The following THNSL1 variants were observed in gnomAD, a reference collection of about 807,000 sequenced individuals.
THNSL1 encodes threonine synthase-like 1.
Under a neutral mutation model 50.4 loss-of-function variants are expected in THNSL1, and 48 were observed. The observed-to-expected ratio is 0.95, with a 90% CI of 0.76 to 1.21. THNSL1 has a LOEUF of 1.21. THNSL1 is among the 50% of genes most tolerant of loss of function. The pLI is 0.00. For missense variants in THNSL1, 896 were observed against 871.7 expected (o/e 1.03, Z -0.35); for synonymous variants, 309 against 306.1 (o/e 1.01, Z -0.10).
At chr10:24,994,301 T>G in the THNSL1 span, among the ~76,000 whole-genome samples, 1 of 151,780 alleles carries the variant, frequency 6.6e-6, no homozygotes, top group Non-Finnish European at 1.5e-5. Context: ...TCATTTCTTC[T>G]TGATGCAACT....
At chr10:24,979,279 T>C in the THNSL1 span, among the ~76,000 whole-genome samples, 1 of 152,212 alleles carries the variant, frequency 6.6e-6, no homozygotes, top group Non-Finnish European at 1.5e-5. Context: ...CCAATGCTAA[T>C]GTTGTGGCTG....
chr10:24,980,697 A>G, the THNSL1 span, among the ~76,000 whole-genome samples: 1 of 151,974 alleles, frequency 6.6e-6, no homozygotes, highest in Admixed American at 6.6e-5. Context: ...TAGCCAAAGT[A>G]CCTGTTGGGT....
chr10:24,975,416 A>T, the THNSL1 span, among the ~76,000 whole-genome samples: 1 of 152,200 alleles, frequency 6.6e-6, no homozygotes, highest in Admixed American at 6.5e-5. Context: ...GGCCCTGAGC[A>T]CACGATAGCA....
the THNSL1 span, among the ~76,000 whole-genome samples, chr10:24,964,028 A>G: frequency 6.6e-6 from 1 of 152,192 alleles, no homozygotes; most frequent in Non-Finnish European, 1.5e-5. Context: ...CAATATAGAC[A>G]CTTGGAGCTC....
At position 25,021,783 on chromosome 10, in the gene THNSL1, A is replaced by G. The variant is rs1343495048; in HGVS notation, c.-174A>G. On this transcript the variant is annotated 5_prime_UTR_variant, in exon 2 of 3. Transcript: ENST00000376356. ...AGATCGGTTTTGCCTCAGAGTCAAC[A>G]AACTCTTCAGATTGGTTCCGGTGTG... The G allele has an allele frequency of 6.6e-6, 1 of 152,178 alleles. No homozygotes were observed. Among genetic ancestry groups the G allele is most frequent in the Non-Finnish European group, 1.5e-5 (1 of 68,014 alleles). The allele number at this position is 152,178 out of a possible 1,614,324, so 9.4% of individuals were successfully genotyped here. A position where few individuals can be genotyped will look rare whatever the true frequency, so the allele number is the denominator to read the frequency against.
the THNSL1 span, among the ~76,000 whole-genome samples, chr10:24,994,394 C>T: frequency 1.3e-5 from 2 of 149,708 alleles, no homozygotes; most frequent in Admixed American, 6.7e-5. Flanking sequence ...AGTGCAGTGA[C>T]GCGACCTTGG....
chr10:25,016,275 G>C, upstream of THNSL1: 3 of 724,584 alleles, frequency 4.1e-6, no homozygotes, highest in Non-Finnish European at 5.2e-6. Flanking sequence ...TCATTTGGAA[G>C]CCACTGTTTT....
upstream of THNSL1, among the ~76,000 whole-genome samples, chr10:25,015,546 A>T (rs188972113): frequency 1.3e-3 from 202 of 152,304 alleles, 1 homozygote; most frequent in African/African-American, 4.5e-3. Flanking sequence ...TCTTTTCAAC[A>T]TGAAACTTCA....
chr10:24,982,367 G>C, the THNSL1 span: 8 of 152,302 alleles, frequency 5.3e-5, no homozygotes, highest in East Asian at 5.8e-4. Context: ...AGTTACAGTG[G>C]GTAGGGAAGA....
At position 25,023,504 on chromosome 10, in the gene THNSL1, C is replaced by A. The variant is rs17853392; in HGVS notation, c.281C>A (p.Thr94Asn). The A allele has an allele frequency of 6.2e-7, 1 of 1,614,004 alleles. No individual in the cohort carries two copies. The highest frequency in any genetic ancestry group is 2.2e-5 in the East Asian group (1 of 44,868). Reference protein sequence around the residue: ...IDVDDDILEKTWNMSVSEKLQ... With the variant: ...IDVDDDILEKNWNMSVSEKLQ... ...GTGGATGATGATATCCTTGAAAAAA[C>A]CTGGAATATGAGTGTGTCTGAAAAA... is the stretch of plus-strand genomic sequence containing the variant. Residue 94 changes from threonine (T) to asparagine (N), a missense_variant, in exon 3 of 3, where the codon ACC becomes AAC. Coordinates refer to ENST00000376356, the MANE Select transcript of THNSL1 (RefSeq NM_024838.5).
chr10:24,978,453 T>C, the THNSL1 span, among the ~76,000 whole-genome samples: 5 of 150,952 alleles, frequency 3.3e-5, no homozygotes, highest in Admixed American at 2.0e-4. Flanking sequence ...CTCTCTCTCC[T>C]CTCTCTCTCT....
the THNSL1 span, among the ~76,000 whole-genome samples, chr10:24,987,625 C>T: frequency 6.6e-6 from 1 of 152,106 alleles, no homozygotes; most frequent in African/African-American, 2.4e-5. Flanking sequence ...AATTCTCTTC[C>T]AAGTCCTAGC....
the THNSL1 span, among the ~76,000 whole-genome samples, chr10:25,010,941 GT>G: frequency 1.3e-5 from 2 of 151,620 alleles, no homozygotes; most frequent in African/African-American, 4.8e-5. Context: ...ATGATTTATG[GT>G]CCTTTGGGTA....
At chr10:24,997,555 TA>T in the THNSL1 span, among the ~76,000 whole-genome samples, 3 of 151,640 alleles carry the variant, frequency 2.0e-5, no homozygotes, top group East Asian at 3.9e-4. Context: ...CCTAGCTAAT[TA>T]AAAAAAATTT....
the THNSL1 span, among the ~76,000 whole-genome samples, chr10:24,999,085 G>C: frequency 1.7e-3 from 253 of 152,288 alleles, 2 homozygotes; most frequent in Non-Finnish European, 4.9e-4. Context: ...GTCAGATACT[G>C]TCCCTGGGGT....
chr10:24,995,742 C>T, the THNSL1 span: 3 of 1,613,972 alleles, frequency 1.9e-6, no homozygotes, highest in East Asian at 2.2e-5. Flanking sequence ...GCTTTTTAGC[C>T]ACTCCCATGA....
chr10:25,015,957 A>T (rs772714950), upstream of THNSL1: 1 of 1,599,990 alleles, frequency 6.3e-7, no homozygotes, highest in East Asian at 2.3e-5. Context: ...TGACTCCTTA[A>T]AAGCTACTCT....
chr10:24,999,605 T>C, the THNSL1 span: 1 of 1,397,048 alleles, frequency 7.2e-7, no homozygotes, highest in Non-Finnish European at 9.9e-7. Context: ...TACCTAAAGT[T>C]TACTTAAAGT....
the THNSL1 span, among the ~76,000 whole-genome samples, chr10:24,952,916 C>T: frequency 6.6e-6 from 1 of 151,894 alleles, no homozygotes; most frequent in Non-Finnish European, 1.5e-5. This position sits in a 1 kb window ranked among gnomAD's most constrained non-coding sequence, Gnocchi z 5.1. Flanking sequence ...CCCCCGGCCC[C>T]GCCGCCAAGC....
Sources: allele counts gnomAD v4.1 joint callset (sites outside exome capture counted in the v4.1 genomes callset), GRCh38; gene constraint gnomAD v4.1.1; non-coding constraint Gnocchi (gnomAD v3.1); transcripts MANE v1.5; gene names NCBI Gene and HGNC (gene_info 2026-07-23, HGNC 2026-07-21).